Variants in EYS observed in about 807,000 individuals in gnomAD.
The protein encoded by EYS is EGF-like photoreceptor maintenance factor.
EYS carries 250 observed loss-of-function variants against 282.1 expected under a neutral mutation model. That is an observed-to-expected ratio of 0.89 (90% CI 0.80 to 0.98). The LOEUF (loss-of-function observed/expected upper bound fraction) is 0.98. EYS is among the 50% of genes least tolerant of loss of function. The pLI is 0.00. For missense variants in EYS, 4,016 were observed against 3,709.0 expected (o/e 1.08, Z -2.15); for synonymous variants, 1,355 against 1,282.9 (o/e 1.06, Z -1.20).
intron 22 of EYS, among the ~76,000 whole-genome samples, chr6:64,734,964 G>A (rs1284585543): frequency 6.6e-6 from 1 of 151,982 alleles, no homozygotes; most frequent in African/African-American, 2.4e-5. Flanking sequence ...TTGCACAGAG[G>A]TATGCTTATA....
At chr6:64,369,146 T>C (rs1029635738) in intron 29 of EYS, among the ~76,000 whole-genome samples, 5 of 152,084 alleles carry the variant, frequency 3.3e-5, no homozygotes, top group Non-Finnish European at 5.9e-5. Context: ...ATTTGTCAAA[T>C]AGTTATTCCA....
chr6:64,385,980 A>G (rs940821715), intron 29 of EYS, among the ~76,000 whole-genome samples: 1 of 152,074 alleles, frequency 6.6e-6, no homozygotes, highest in African/African-American at 2.4e-5. Flanking sequence ...CTGATTCCCA[A>G]TTCTCAGCCT....
At position 65,332,289 on chromosome 6, in the gene EYS, A is replaced by T. The variant is rs532012328; in HGVS notation, c.1766+2691T>A. The T allele has an allele frequency of 2.6e-5, 18 of 704,140 alleles. No homozygotes were observed. The Admixed American group carries it at 3.7e-4, about 14-fold the overall frequency. The allele number at this position is 704,140 out of a possible 1,614,324, so 43.6% of individuals were successfully genotyped here. A position where few individuals can be genotyped will look rare whatever the true frequency, so the allele number is the denominator to read the frequency against. ...TTTATTTATTCTATTGATACATTAA[A>T]TTACATTAATTGATTTTAAGCCACT... On this transcript the variant is annotated intron_variant, in intron 11 of 42. Transcript: ENST00000503581.
At chr6:64,274,013 G>A (rs1286977703) in intron 30 of EYS, among the ~76,000 whole-genome samples, 2 of 152,088 alleles carry the variant, frequency 1.3e-5, no homozygotes, top group Non-Finnish European at 2.9e-5. Context: ...TTATCCCTCC[G>A]GATCACGTTT....
At chr6:64,873,909 G>A (rs1170742369) in intron 19 of EYS, among the ~76,000 whole-genome samples, 1 of 151,714 alleles carries the variant, frequency 6.6e-6, no homozygotes, top group Non-Finnish European at 1.5e-5. Flanking sequence ...AGAAATATTA[G>A]GGCCAAGATT....
At chr6:64,416,928 A>G (rs1754048381) in intron 28 of EYS, among the ~76,000 whole-genome samples, 1 of 152,194 alleles carries the variant, frequency 6.6e-6, no homozygotes, top group Non-Finnish European at 1.5e-5. Flanking sequence ...TCTGATCCTC[A>G]GTAAACCCAG....
At chr6:65,242,319 T>C (rs1767077257) in intron 12 of EYS, among the ~76,000 whole-genome samples, 1 of 152,106 alleles carries the variant, frequency 6.6e-6, no homozygotes, top group African/African-American at 2.4e-5. Flanking sequence ...TGATCAATAA[T>C]GTATTTTGTG....
At chr6:65,695,910 A>C (rs1253920309) in intron 1 of EYS, among the ~76,000 whole-genome samples, 1 of 151,990 alleles carries the variant, frequency 6.6e-6, no homozygotes, top group Non-Finnish European at 1.5e-5. Context: ...TAGTGTTAAG[A>C]AATGACAAGT....
intron 12 of EYS, among the ~76,000 whole-genome samples, chr6:65,289,441 G>T (rs761692123): frequency 2.7e-5 from 4 of 150,926 alleles, no homozygotes. Context: ...TTGAAACACT[G>T]AGTTTTTTCT....
chr6:64,125,333 G>T (rs1773739623), intron 31 of EYS, among the ~76,000 whole-genome samples: 1 of 152,030 alleles, frequency 6.6e-6, no homozygotes. Context: ...GATGGAGTTA[G>T]ACTGAAGGTT....
At chr6:65,379,018 G>T (rs1765507042) in intron 8 of EYS, among the ~76,000 whole-genome samples, 1 of 151,148 alleles carries the variant, frequency 6.6e-6, no homozygotes, top group South Asian at 2.1e-4. Flanking sequence ...ATGTACCCCA[G>T]AATTTAATGT....
At chr6:64,691,080 A>G (rs753678923) in intron 22 of EYS, among the ~76,000 whole-genome samples, 6 of 152,118 alleles carry the variant, frequency 3.9e-5, no homozygotes, top group Non-Finnish European at 8.8e-5. Context: ...TTAAAAAATC[A>G]TTTGAAAATT....
At chr6:64,958,733 T>TA (rs1769808230) in intron 14 of EYS, among the ~76,000 whole-genome samples, 1 of 8,402 alleles carries the variant, frequency 1.2e-4, no homozygotes, top group East Asian at 5.1e-3. Flanking sequence ...AGACTCCGTC[T>TA]CAAAAAAAAA....
chr6:63,907,416 G>C (rs1773804461), intron 35 of EYS, among the ~76,000 whole-genome samples: 1 of 152,156 alleles, frequency 6.6e-6, no homozygotes, highest in Non-Finnish European at 1.5e-5. Flanking sequence ...TCAGGATCAA[G>C]GATTCCTAAA....
At chr6:64,068,934 G>A (rs1032945389) in intron 32 of EYS, among the ~76,000 whole-genome samples, 1 of 152,056 alleles carries the variant, frequency 6.6e-6, no homozygotes, top group Non-Finnish European at 1.5e-5. Context: ...TATTATCTCG[G>A]TGGGCCTTAA....
chr6:65,297,170 TATAC>T (rs1368868100), intron 11 of EYS, among the ~76,000 whole-genome samples: 1 of 151,524 alleles, frequency 6.6e-6, no homozygotes, highest in Non-Finnish European at 1.5e-5. Flanking sequence ...GAATATTTTA[TATAC>T]ATACATAATT....
At chr6:64,224,418 A>G (rs1701969888) in intron 31 of EYS, among the ~76,000 whole-genome samples, 1 of 152,044 alleles carries the variant, frequency 6.6e-6, no homozygotes. Flanking sequence ...CTAATGTTTT[A>G]TATTTTAATC....
chr6:65,067,580 G>T (rs1357469405), intron 12 of EYS, among the ~76,000 whole-genome samples: 1 of 152,034 alleles, frequency 6.6e-6, no homozygotes, highest in Admixed American at 6.6e-5. Flanking sequence ...TTAGTAATTT[G>T]AACAGGAAAA....
intron 12 of EYS, among the ~76,000 whole-genome samples, chr6:65,249,500 A>G (rs1767264066): frequency 6.6e-6 from 1 of 151,988 alleles, no homozygotes; most frequent in African/African-American, 2.4e-5. Context: ...AAAAATTCTC[A>G]CTTAAATAGC....
Sources: allele counts gnomAD v4.1 joint callset (sites outside exome capture counted in the v4.1 genomes callset), GRCh38; gene constraint gnomAD v4.1.1; transcripts MANE v1.5; gene names NCBI Gene and HGNC (gene_info 2026-07-23, HGNC 2026-07-21).